The following SYNE1 variants were observed in gnomAD, a reference collection of about 807,000 sequenced individuals.
SYNE1 encodes nesprin-1.
A neutral mutation model predicts 1,111.0 loss-of-function variants in SYNE1; 616 were observed. The ratio of observed to expected loss-of-function variants is 0.55; its 90% CI spans 0.52 to 0.59. SYNE1 has a LOEUF of 0.59. Among genes scored for constraint, SYNE1 ranks in the 20% least tolerant of loss-of-function variants. The pLI, the probability that SYNE1 is intolerant of heterozygous loss-of-function variation, is 0.00. For missense variants in SYNE1, 10,006 were observed against 10,417.0 expected, an observed-to-expected ratio of 0.96 and a Z score of 1.72; for synonymous variants, 3,855 against 3,825.8, an observed-to-expected ratio of 1.01 and a Z score of -0.28.
intron 59 of SYNE1, among the ~76,000 whole-genome samples, chr6:152,372,469 A>G (rs1040608463): frequency 2.0e-5 from 3 of 152,244 alleles, no homozygotes; most frequent in African/African-American, 7.2e-5. Flanking sequence ...CTCTGAAAGA[A>G]GAGTCGATAC....
Position 152,326,021 on chromosome 6 carries a change from A to G in SYNE1, c.15375T>C (p.Ser5125=). 6.2e-7 allele frequency: 1 copy of G among 1,614,210 alleles called. No individual in the cohort carries two copies. The highest frequency in any genetic ancestry group is 1.3e-5 in the African/African-American group (1 of 75,054). The stretch of plus-strand genomic sequence containing the variant: ...ACGAAGTCTTCAACAAAGAAAACTC[A>G]GACAATTTCTTTTCTGTATCATTCA... ...ELMNDTEKKL[S]EFSLLKTSSS... The change falls in exon 80 of 146, where the codon TCT becomes TCC. Residue 5125 remains serine (S), a synonymous_variant. Coordinates refer to ENST00000367255, the MANE Select transcript of SYNE1 (RefSeq NM_182961.4).
chr6:152,415,789 TAA>T (rs1209590450), intron 41 of SYNE1, among the ~76,000 whole-genome samples: 9 of 73,036 alleles, frequency 1.2e-4, no homozygotes, highest in East Asian at 1.0e-3. Flanking sequence ...TTCAAAGTGG[TAA>T]AAAAAAAAAA....
chr6:152,244,219 G>T (rs1028244733), intron 106 of SYNE1, among the ~76,000 whole-genome samples: 1 of 151,984 alleles, frequency 6.6e-6, no homozygotes, highest in African/African-American at 2.4e-5. Context: ...ATTTTTCTAG[G>T]TAGGATTAAA....
intron 64 of SYNE1, among the ~76,000 whole-genome samples, chr6:152,360,167 G>A (rs200096078): frequency 1.3e-5 from 2 of 152,182 alleles, no homozygotes; most frequent in East Asian, 3.9e-4. Flanking sequence ...CTGGATTATC[G>A]TCCCAATGCT....
At chr6:152,168,393 T>G in intron 130 of SYNE1, 1 of 567,270 alleles carries the variant, frequency 1.8e-6, no homozygotes, top group Non-Finnish European at 3.1e-6. Context: ...AAACCTACAT[T>G]CATTAACATG....
rs1376604930 is a variant in SYNE1, at chr6:152,239,571, C to A, written c.20029G>T (p.Ala6677Ser). Residue 6677 changes from alanine to serine, a missense_variant, in exon 108 of 146, where the codon GCT (alanine) becomes TCT (serine). Coordinates refer to ENST00000367255, the MANE Select transcript of SYNE1 (RefSeq NM_182961.4). The stretch of plus-strand genomic sequence containing the variant: ...TCCAGCTCCACACCCCTCTTGTGAG[C>A]CCGTTTCAGTACAGCAGAAGCCTGA... ...MAQASAVLKR[A>S]HKRGVELEYI... The A allele has an allele frequency of 6.2e-7, 1 of 1,614,184 alleles. No homozygotes were observed. Among genetic ancestry groups the A allele is most frequent in the East Asian group, 2.2e-5 (1 of 44,874 alleles).
chr6:152,290,107 G>T (rs2094528947), intron 95 of SYNE1, among the ~76,000 whole-genome samples: 1 of 152,082 alleles, frequency 6.6e-6, no homozygotes, highest in African/African-American at 2.4e-5. Flanking sequence ...AATAACCACA[G>T]ACCTCTGTGC....
At chr6:152,346,543 G>A (rs908220554) in intron 73 of SYNE1, among the ~76,000 whole-genome samples, 12 of 151,964 alleles carry the variant, frequency 7.9e-5, no homozygotes, top group East Asian at 1.9e-4. Flanking sequence ...TCTGAAATTC[G>A]CTCACACCTG....
intron 3 of SYNE1, among the ~76,000 whole-genome samples, chr6:152,543,678 A>T (rs1406778016): frequency 6.6e-6 from 1 of 152,250 alleles, no homozygotes; most frequent in Non-Finnish European, 1.5e-5. Flanking sequence ...CTCATAGATG[A>T]CAGTAGTGCC....
chr6:152,476,191 T>C lies in SYNE1; in HGVS notation c.1351-3778A>G, dbSNP rs185342063. 1.2e-4 allele frequency among the ~76,000 whole-genome samples: 19 copies of C among 152,316 alleles called. No homozygotes were observed. The East Asian group carries it at 3.3e-3, about 26-fold the overall frequency. Reference sequence around the variant, plus strand: ...CAAGCTGTACTTCTTCCCTGAGCTCTCTTACCTATTGCTTACTCCACATAT... The same window carrying C: ...CAAGCTGTACTTCTTCCCTGAGCTCCCTTACCTATTGCTTACTCCACATAT... On this transcript the variant is annotated intron_variant, in intron 14 of 145. Coordinates refer to ENST00000367255, the MANE Select transcript of SYNE1 (RefSeq NM_182961.4).
chr6:152,500,717 A>G (rs2099024917), intron 10 of SYNE1, among the ~76,000 whole-genome samples: 1 of 152,058 alleles, frequency 6.6e-6, no homozygotes, highest in African/African-American at 2.4e-5. Flanking sequence ...TGGGAGGCCG[A>G]GGTGAGAGGA....
chr6:152,178,221 C>A (rs1434386792), intron 129 of SYNE1, among the ~76,000 whole-genome samples: 2 of 151,652 alleles, frequency 1.3e-5, no homozygotes, highest in African/African-American at 2.4e-5. Flanking sequence ...CACACTCTCA[C>A]AATATACATC....
chr6:152,277,828 T>C, intron 98 of SYNE1: 1 of 529,874 alleles, frequency 1.9e-6, no homozygotes, highest in Non-Finnish European at 3.5e-6. Context: ...CCTCTCATTG[T>C]TACTTTCATG....
chr6:152,384,130 A>G lies in SYNE1; in HGVS notation c.8652+1544T>C, dbSNP rs565871672. Among the ~76,000 whole-genome samples the G allele has an allele frequency of 2.6e-5, 4 of 152,234 alleles. No individual in the cohort carries two copies. The South Asian group carries it at 6.2e-4, about 24-fold the overall frequency. Reference sequence around the variant, plus strand: ...AAAACAACTTTATCAGACAGGTACTATTTTCATGTATGTATTTTTTAACCA... The same window carrying G: ...AAAACAACTTTATCAGACAGGTACTGTTTTCATGTATGTATTTTTTAACCA... On this transcript the variant is annotated intron_variant, in intron 55 of 145. Coordinates refer to ENST00000367255, the MANE Select transcript of SYNE1 (RefSeq NM_182961.4).
intron 2 of SYNE1, among the ~76,000 whole-genome samples, chr6:152,632,069 C>T (rs1365116037): frequency 6.6e-6 from 1 of 152,172 alleles, no homozygotes; most frequent in East Asian, 1.9e-4. Context: ...ACGATCCATA[C>T]TATCCTAGGT....
At chr6:152,459,904 G>A (rs972476445) in intron 21 of SYNE1, among the ~76,000 whole-genome samples, 2 of 152,124 alleles carry the variant, frequency 1.3e-5, no homozygotes, top group African/African-American at 4.8e-5. Context: ...ATGAAGAAAC[G>A]TTTTTATGTT....
chr6:152,225,675 G>A (rs745631049), intron 116 of SYNE1, 46 bp downstream of exon 116: 39 of 1,613,064 alleles, frequency 2.4e-5, no homozygotes, highest in Non-Finnish European at 3.1e-5. Flanking sequence ...TTTGGACAGA[G>A]CTGGCAAACA....
intron 95 of SYNE1, among the ~76,000 whole-genome samples, chr6:152,288,602 A>G (rs1251861313): frequency 2.0e-5 from 3 of 152,164 alleles, no homozygotes; most frequent in Admixed American, 1.3e-4. Context: ...GCTGGAGTGC[A>G]GTGGCACGAT....
intron 135 of SYNE1, 106 bp from the exon 136 acceptor site, chr6:152,149,774 GGC>G: frequency 2.1e-6 from 2 of 973,264 alleles, no homozygotes; most frequent in Non-Finnish European, 3.2e-6. Context: ...GACATGTAGG[GGC>G]TATTTAATTG....
Sources: gnomAD v4.1 joint callset for allele counts (sites outside exome capture counted in the v4.1 genomes callset) on GRCh38, gnomAD v4.1.1 for gene constraint, MANE v1.5 for transcripts, NCBI Gene and HGNC (gene_info 2026-07-23, HGNC 2026-07-21) for gene names.